The following ZFYVE9 variants were observed in gnomAD, a reference collection of about 807,000 sequenced individuals.
The protein encoded by ZFYVE9 is zinc finger FYVE-type containing 9, also known as zinc finger FYVE domain-containing protein 9.
A neutral mutation model predicts 126.7 loss-of-function variants in ZFYVE9; 43 were observed. The ratio of observed to expected loss-of-function variants is 0.34; its 90% CI spans 0.27 to 0.44. The LOEUF is 0.44. Among genes scored for constraint, ZFYVE9 ranks in the 20% least tolerant of loss-of-function variants. The pLI, the probability that ZFYVE9 is intolerant of heterozygous loss-of-function variation, is 1.00. For synonymous variants in ZFYVE9, 521 were observed against 597.4 expected (o/e 0.87, Z 1.87); for missense variants, 1,476 against 1,697.0 (o/e 0.87, Z 2.29).
At chr1:52,337,585 A>G (rs1337804046) in intron 15 of ZFYVE9, among the ~76,000 whole-genome samples, 187 bp from the exon 16 acceptor site, 1 of 152,228 alleles carries the variant, frequency 6.6e-6, no homozygotes, top group Non-Finnish European at 1.5e-5. Context: ...ATCAACAAGC[A>G]TGTGTTTTAA....
intron 12 of ZFYVE9, among the ~76,000 whole-genome samples, chr1:52,301,872 T>C (rs1453724941): frequency 2.0e-5 from 3 of 152,212 alleles, no homozygotes; most frequent in Admixed American, 6.5e-5. Flanking sequence ...CTTTTTTGTC[T>C]CTTGTTTTCA....
chr1:52,338,826 A>G (rs890270040), intron 16 of ZFYVE9, among the ~76,000 whole-genome samples: 2 of 152,182 alleles, frequency 1.3e-5, no homozygotes, highest in Non-Finnish European at 2.9e-5. Flanking sequence ...AGCCTGACCA[A>G]CATGGAAAAA....
At chr1:52,178,130 T>C (rs542255230) in intron 1 of ZFYVE9, among the ~76,000 whole-genome samples, 68 of 151,432 alleles carry the variant, frequency 4.5e-4, no homozygotes, top group African/African-American at 1.3e-3. Flanking sequence ...ATACAAAAAA[T>C]TAGCTGGGTG....
At chr1:52,164,687 A>G (rs1644496991) in intron 1 of ZFYVE9, among the ~76,000 whole-genome samples, 1 of 152,202 alleles carries the variant, frequency 6.6e-6, no homozygotes, top group South Asian at 2.1e-4. Flanking sequence ...CTTTGCAGAC[A>G]TGCACTAGAC....
intron 1 of ZFYVE9, among the ~76,000 whole-genome samples, chr1:52,176,988 C>T (rs894820865): frequency 3.9e-5 from 6 of 152,088 alleles, no homozygotes; most frequent in East Asian, 1.9e-4. Context: ...GTGCACAGTG[C>T]GCTGCACCCA....
At chr1:52,316,883 A>C (rs1399049057) in intron 13 of ZFYVE9, among the ~76,000 whole-genome samples, 1 of 152,234 alleles carries the variant, frequency 6.6e-6, no homozygotes, top group Non-Finnish European at 1.5e-5. Flanking sequence ...ACAGCATCAG[A>C]ATGCACATTC....
intron 15 of ZFYVE9, among the ~76,000 whole-genome samples, chr1:52,336,531 G>T (rs1024115793): frequency 9.9e-5 from 15 of 151,726 alleles, no homozygotes; most frequent in Non-Finnish European, 2.1e-4. Flanking sequence ...TAATTTTTTT[G>T]TATTTTTAGT....
In ZFYVE9 at chr1:52,337,983, C is replaced by T. The variant is rs1247012681; in HGVS notation, c.3833+49C>T. The T allele has an allele frequency of 1.9e-6, 3 of 1,576,500 alleles. No homozygotes were observed. In the Admixed American group the frequency reaches 5.3e-5, roughly 28 times the overall value. ...TTGTGGCTTTTAGTTATAGGTTAGG[C>T]TCTGGGTTTTGTCTGCTGTCTACAT... On this transcript the variant is annotated intron_variant, in intron 16 of 18. Transcript: ENST00000287727.
chr1:52,309,383 G>A (rs1297333529), intron 13 of ZFYVE9, among the ~76,000 whole-genome samples: 1 of 152,228 alleles, frequency 6.6e-6, no homozygotes. Context: ...GGAGGCTGAG[G>A]TGGGAGGATC....
chr1:52,253,343 T>C (rs543874035), intron 4 of ZFYVE9, among the ~76,000 whole-genome samples: 1 of 152,314 alleles, frequency 6.6e-6, no homozygotes, highest in South Asian at 2.1e-4. Flanking sequence ...AAAAGATGTT[T>C]AGATGGGTTA....
intron 8 of ZFYVE9, among the ~76,000 whole-genome samples, 178 bp downstream of exon 8, chr1:52,274,762 TTTATA>T (rs756092663): frequency 1.1e-4 from 17 of 152,242 alleles, no homozygotes; most frequent in Non-Finnish European, 1.9e-4. Context: ...TGCTTATGTT[TTTATA>T]TTATAATGTC....
intron 1 of ZFYVE9, among the ~76,000 whole-genome samples, chr1:52,213,515 G>C (rs1269252427): frequency 6.6e-6 from 1 of 152,012 alleles, no homozygotes; most frequent in Non-Finnish European, 1.5e-5. Flanking sequence ...AGCCGGGCCT[G>C]GTGGCGTGCA....
At chr1:52,262,573 G>A (rs1040377680) in intron 4 of ZFYVE9, among the ~76,000 whole-genome samples, 5 of 152,162 alleles carry the variant, frequency 3.3e-5, no homozygotes, top group South Asian at 2.1e-4. Flanking sequence ...AACAGTCATA[G>A]TAACTAGATA....
intron 7 of ZFYVE9, among the ~76,000 whole-genome samples, chr1:52,269,652 A>G (rs1456163740): frequency 6.6e-6 from 1 of 152,148 alleles, no homozygotes; most frequent in African/African-American, 2.4e-5. Context: ...GTCTTCAAAT[A>G]TTTCTAGTTT....
intron 6 of ZFYVE9, among the ~76,000 whole-genome samples, chr1:52,268,195 A>G (rs963486743): frequency 7.2e-5 from 11 of 152,214 alleles, no homozygotes; most frequent in Admixed American, 6.6e-4. Context: ...TGACATAATC[A>G]TAGATGTATT....
At chr1:52,266,218 C>T (rs1359175674) in intron 5 of ZFYVE9, among the ~76,000 whole-genome samples, 1 of 151,880 alleles carries the variant, frequency 6.6e-6, no homozygotes, top group Admixed American at 6.6e-5. Flanking sequence ...CTGCCTCAGC[C>T]TCCCAAGTAG....
chr1:52,184,523 G>A (rs889959612), intron 1 of ZFYVE9, among the ~76,000 whole-genome samples: 1 of 145,676 alleles, frequency 6.9e-6, no homozygotes, highest in African/African-American at 2.6e-5. Context: ...TGGGATTACA[G>A]GTGTGAGCCA....
At chr1:52,225,812 C>A (rs1461133693) in intron 2 of ZFYVE9, among the ~76,000 whole-genome samples, 1 of 152,052 alleles carries the variant, frequency 6.6e-6, no homozygotes, top group East Asian at 1.9e-4. Flanking sequence ...CCCAAGAGGT[C>A]CTGATGAAGC....
At chr1:52,296,869 A>G (rs1204724468) in intron 12 of ZFYVE9, among the ~76,000 whole-genome samples, 1 of 152,222 alleles carries the variant, frequency 6.6e-6, no homozygotes, top group Non-Finnish European at 1.5e-5. Context: ...GTTGGAATGC[A>G]GTGGCACGAT....
Sources: gnomAD v4.1 joint callset for allele counts (sites outside exome capture counted in the v4.1 genomes callset) on GRCh38, gnomAD v4.1.1 for gene constraint, MANE v1.5 for transcripts, NCBI Gene and HGNC (gene_info 2026-07-23, HGNC 2026-07-21) for gene names.